The following RTF2 variants were observed in gnomAD, a reference collection of about 807,000 sequenced individuals.
RTF2 encodes the protein UPF0549 protein C20orf43.
A neutral mutation model predicts 38.0 loss-of-function variants in RTF2; 18 were observed. That is an observed-to-expected ratio of 0.47 (90% CI 0.33 to 0.70). The LOEUF is 0.70. Ranked by LOEUF, RTF2 falls within the 30% of genes least tolerant of loss-of-function variation. The pLI, the probability that RTF2 is intolerant of heterozygous loss-of-function variation, is 0.02. For synonymous variants in RTF2, 126 were observed against 137.1 expected (o/e 0.92, Z 0.57); for missense variants, 311 against 379.6 (o/e 0.82, Z 1.50).
At chr20:56,504,475 A>G (rs1984131397) in intron 5 of RTF2, among the ~76,000 whole-genome samples, 1 of 152,220 alleles carries the variant, frequency 6.6e-6, no homozygotes, top group African/African-American at 2.4e-5. Context: ...GATAAATAAA[A>G]GTCACTTAAA....
At chr20:56,474,633 T>G in intron 2 of RTF2, 45 bp from the exon 3 acceptor site, 1 of 1,270,996 alleles carries the variant, frequency 7.9e-7, no homozygotes, top group Non-Finnish European at 1.1e-6. Context: ...TTTGGTTATT[T>G]GAAAGTCGCT....
At chr20:56,518,029 C>G in intron 8 of RTF2, 58 bp from the exon 9 acceptor site, 2 of 1,513,018 alleles carry the variant, frequency 1.3e-6, no homozygotes, top group Non-Finnish European at 1.8e-6. Context: ...TCTGAGGATG[C>G]GAAGTTTAGA....
At chr20:56,516,617 A>T in intron 6 of RTF2, 1 of 431,850 alleles carries the variant, frequency 2.3e-6, no homozygotes, top group South Asian at 3.1e-5. Flanking sequence ...GTCACCATCA[A>T]CATTGGCCCT....
At chr20:56,472,895 T>G (rs945728534) in intron 1 of RTF2, among the ~76,000 whole-genome samples, 2 of 152,186 alleles carry the variant, frequency 1.3e-5, no homozygotes, top group East Asian at 3.8e-4. Context: ...ATACCAGCAG[T>G]TTGGGTGGCT....
chr20:56,491,432 C>T (rs1983118027), intron 5 of RTF2: 1 of 681,638 alleles, frequency 1.5e-6, no homozygotes, highest in Non-Finnish European at 2.5e-6. Context: ...TTGTCAATAG[C>T]ATGTTTCTGA....
chr20:56,487,021 A>G (rs190869108), intron 5 of RTF2, among the ~76,000 whole-genome samples: 25 of 152,278 alleles, frequency 1.6e-4, no homozygotes, highest in Admixed American at 8.5e-4. Context: ...TCTAGTTCTT[A>G]AGAGTTCTCA....
At chr20:56,499,428 G>A (rs909969122) in intron 5 of RTF2, among the ~76,000 whole-genome samples, 5 of 151,674 alleles carry the variant, frequency 3.3e-5, no homozygotes, top group East Asian at 1.9e-4. Context: ...TGATCCACCC[G>A]CCTAGGCCTC....
chr20:56,491,604 A>T, intron 5 of RTF2: 2 of 1,551,850 alleles, frequency 1.3e-6, no homozygotes, highest in South Asian at 2.4e-5. Flanking sequence ...TGAAAATGCC[A>T]GTGTGGCTCT....
chr20:56,508,358 GGCATA>G (rs1158511777), intron 5 of RTF2, among the ~76,000 whole-genome samples: 1 of 152,140 alleles, frequency 6.6e-6, no homozygotes, highest in Non-Finnish European at 1.5e-5. Flanking sequence ...AGAGATTCCG[GGCATA>G]GTATGTCTGT....
intron 1 of RTF2, 90 bp from the exon 2 acceptor site, chr20:56,473,211 C>T (rs773045968): frequency 1.1e-4 from 97 of 903,520 alleles, no homozygotes; most frequent in South Asian, 2.8e-4. Context: ...CATTACAGTG[C>T]GGTATTACTG....
chr20:56,471,679 T>C (rs6069758), intron 1 of RTF2: 56,564 of 152,130 alleles, frequency 0.37, 11,249 homozygotes, highest in Non-Finnish European at 0.45. Flanking sequence ...GGTAAACACA[T>C]TTTTTACTGC....
At chr20:56,470,477 G>A in intron 1 of RTF2, 1 of 427,118 alleles carries the variant, frequency 2.3e-6, no homozygotes, top group East Asian at 7.1e-5. Flanking sequence ...ACAAGGCAGA[G>A]TCTAGCCCTG....
intron 1 of RTF2, chr20:56,472,504 T>C (rs914258438): frequency 4.5e-5 from 32 of 714,616 alleles, no homozygotes; most frequent in Non-Finnish European, 7.4e-5. Context: ...CCTTAGTGAA[T>C]AAGCCCCAAA....
At chr20:56,506,893 G>A (rs551077854) in intron 5 of RTF2, among the ~76,000 whole-genome samples, 2 of 152,124 alleles carry the variant, frequency 1.3e-5, no homozygotes, top group Admixed American at 1.3e-4. Context: ...GTAGAGACGG[G>A]GTTTCACCAT....
intron 1 of RTF2, chr20:56,470,728 TTAA>T: frequency 2.2e-6 from 1 of 453,122 alleles, no homozygotes; most frequent in East Asian, 7.0e-5. Flanking sequence ...GGACATGGAG[TTAA>T]TAATCCATCA....
chr20:56,488,583 G>C (rs543452680), intron 5 of RTF2, among the ~76,000 whole-genome samples: 1 of 152,186 alleles, frequency 6.6e-6, no homozygotes, highest in African/African-American at 2.4e-5. Flanking sequence ...AAGGAGTGTC[G>C]TCAGAAGTGG....
At chr20:56,475,282 G>A (rs899120779) in intron 3 of RTF2, among the ~76,000 whole-genome samples, 1 of 152,144 alleles carries the variant, frequency 6.6e-6, no homozygotes, top group South Asian at 2.1e-4. Flanking sequence ...GAAAGGTAAT[G>A]AAGAATTTGA....
Position 56,489,253 on chromosome 20 carries a change from G to A in RTF2, c.477+5064G>A, listed in dbSNP as rs369088679. ...TTTTTTTTTTGTATTTTTAGTAGAG[G>A]CAGGGTTTCACCATATTGGCCAGGC... On this transcript the variant is annotated intron_variant, in intron 5 of 8. Transcript: ENST00000357348. Among the ~76,000 whole-genome samples, 743 of 149,640 alleles carry A rather than the reference G, an allele frequency of 5.0e-3. 6 individuals carry two copies. Among genetic ancestry groups the A allele is most frequent in the African/African-American group, 0.017 (671 of 40,484 alleles).
chr20:56,495,350 T>C lies in RTF2; in HGVS notation c.477+11161T>C, dbSNP rs1983451030. The C allele has an allele frequency of 2.3e-6, 3 of 1,323,656 alleles. No individual in the cohort carries two copies. In the African/African-American group the frequency reaches 4.4e-5, roughly 19 times the overall value. 82.0% of individuals were successfully genotyped at this position (1,323,656 alleles called of 1,614,324 possible). A position where few individuals can be genotyped will look rare whatever the true frequency, so the allele number is the denominator to read the frequency against. ...GTGTGGAATCTGCTTCCCAGTTCTT[T>C]TAGTACAAGTTCTTCTGTGCTATCA... On this transcript the variant is annotated intron_variant, in intron 5 of 8. Coordinates refer to ENST00000357348, the MANE Select transcript of RTF2 (RefSeq NM_016407.5).
Sources: allele counts gnomAD v4.1 joint callset (sites outside exome capture counted in the v4.1 genomes callset), GRCh38; gene constraint gnomAD v4.1.1; transcripts MANE v1.5; gene names NCBI Gene and HGNC (gene_info 2026-07-23, HGNC 2026-07-21).